The following MYOM2 variants were observed in gnomAD, a reference collection of about 807,000 sequenced individuals.
The protein encoded by MYOM2 is myomesin-2.
MYOM2 carries 254 observed loss-of-function variants against 187.6 expected under a neutral mutation model. The observed-to-expected ratio is 1.35, with a 90% CI of 1.22 to 1.50. MYOM2 has a LOEUF of 1.50. MYOM2 is among the 40% of genes most tolerant of loss of function. The probability of loss-of-function intolerance (pLI) is 0.00; values close to 1 mark genes in which losing one functional copy is unlikely to be tolerated. For missense variants in MYOM2, 2,796 were observed against 1,924.0 expected, an observed-to-expected ratio of 1.45 and a Z score of -8.48; for synonymous variants, 981 against 753.8, an observed-to-expected ratio of 1.30 and a Z score of -4.94.
chr8:2,127,342 C>A (rs1797683896), intron 31 of MYOM2, among the ~76,000 whole-genome samples: 1 of 151,110 alleles, frequency 6.6e-6, no homozygotes, highest in African/African-American at 2.4e-5. Flanking sequence ...GCAGCCGGCC[C>A]AGATGCAGGG....
intron 28 of MYOM2, among the ~76,000 whole-genome samples, chr8:2,120,986 G>A (rs1405865100): frequency 6.6e-6 from 1 of 151,900 alleles, no homozygotes; most frequent in African/African-American, 2.4e-5. Context: ...TAAAAGAAGA[G>A]AAGGTTACTT....
intron 13 of MYOM2, among the ~76,000 whole-genome samples, chr8:2,084,820 G>A (rs1488979206): frequency 6.6e-6 from 1 of 152,156 alleles, no homozygotes; most frequent in Non-Finnish European, 1.5e-5. Flanking sequence ...GAGGGCACAC[G>A]GTATAAAGAA....
rs62480007 is a variant in MYOM2, at chr8:2,137,240, G to C, written c.3801-3483G>C. Among the ~76,000 whole-genome samples, 1,203 of 152,014 alleles carry C rather than the reference G, an allele frequency of 7.9e-3. 15 individuals are homozygous for C. The highest frequency in any genetic ancestry group is 0.027 in the African/African-American group (1,104 of 41,424). On this transcript the variant is annotated intron_variant, in intron 32 of 36. Transcript: ENST00000262113. The stretch of plus-strand genomic sequence containing the variant: ...CCTAACACCCACGTGATGTGTGGGA[G>C]GATGAGCTCACACAGGGTGATGAGC...
At chr8:2,070,599 A>T (rs1819181119) in intron 8 of MYOM2, among the ~76,000 whole-genome samples, 1 of 150,848 alleles carries the variant, frequency 6.6e-6, no homozygotes. Context: ...CCTGGCAGTC[A>T]CCTGGTCCCA....
intron 25 of MYOM2, 77 bp downstream of exon 25, chr8:2,109,608 A>T: frequency 6.9e-7 from 1 of 1,446,540 alleles, no homozygotes; most frequent in Admixed American, 2.2e-5. Flanking sequence ...CTGAATATCA[A>T]CATTCTCTGT....
intron 28 of MYOM2, 103 bp from the exon 29 acceptor site, chr8:2,123,149 G>GT (rs1797514453): frequency 8.0e-6 from 6 of 747,590 alleles, no homozygotes; most frequent in Middle Eastern, 5.2e-4. Context: ...AAAAACTAAG[G>GT]TTTTTTGAGG....
At chr8:2,127,625 G>A (rs1182586057) in intron 31 of MYOM2, 1 of 159,790 alleles carries the variant, frequency 6.3e-6, no homozygotes, top group Non-Finnish European at 1.4e-5. Flanking sequence ...GTACCTCGGC[G>A]TGACGCGGTG....
At chr8:2,073,221 C>T (rs1819295541) in intron 9 of MYOM2, 118 bp from the exon 10 acceptor site, 6 of 1,122,374 alleles carry the variant, frequency 5.3e-6, no homozygotes, top group Non-Finnish European at 6.3e-6. Context: ...GCTCTGCCTT[C>T]CGTGGTGTCC....
intron 32 of MYOM2, among the ~76,000 whole-genome samples, chr8:2,139,715 C>A (rs547823398): frequency 3.9e-5 from 6 of 152,194 alleles, no homozygotes; most frequent in African/African-American, 1.4e-4. Context: ...CCCTGGAGTC[C>A]GTCCTGTTTT....
At position 2,059,261 on chromosome 8, in the gene MYOM2, G is replaced by A. The variant is rs1387692465; in HGVS notation, c.653+16G>A. On this transcript the variant is annotated intron_variant, in intron 6 of 36. Coordinates refer to ENST00000262113, the MANE Select transcript of MYOM2 (RefSeq NM_003970.4). ...AGATCAACAGGTATGGCTGTGGTGG[G>A]GGCTCTGGACGCTGGCGTCCAGTAA... The A allele has an allele frequency of 6.2e-7, 1 of 1,611,338 alleles. No individual in the cohort carries two copies. The highest frequency in any genetic ancestry group is 2.2e-5 in the East Asian group (1 of 44,880).
intron 6 of MYOM2, among the ~76,000 whole-genome samples, chr8:2,062,186 C>A (rs186143209): frequency 2.0e-5 from 3 of 152,232 alleles, no homozygotes; most frequent in Admixed American, 2.0e-4. Context: ...AGCCAGTGGC[C>A]CTGCAGATCA....
chr8:2,106,372 G>C lies in MYOM2; in HGVS notation c.2865G>C (p.Arg955Ser). Residue 955 changes from arginine to serine, a missense_variant, in exon 22 of 37, where the codon AGG (arginine) becomes AGC (serine). By Grantham distance (110) the Arg-to-Ser change is moderately radical. Coordinates refer to ENST00000262113, the MANE Select transcript of MYOM2 (RefSeq NM_003970.4). ...ACGAGGAGATTTCAGATGATGAGAGGTTTAAAATTGAAACCGTGGGGGATC... is the reference window on the plus strand; with the variant it reads ...ACGAGGAGATTTCAGATGATGAGAGCTTTAAAATTGAAACCGTGGGGGATC... ...KSYEEISDDE[R>S]FKIETVGDHS... The C allele has an allele frequency of 6.2e-7, 1 of 1,614,158 alleles. No homozygotes were observed. Among genetic ancestry groups the C allele is most frequent in the Non-Finnish European group, 8.5e-7 (1 of 1,179,998 alleles).
At chr8:2,084,592 C>G (rs186554870) in intron 13 of MYOM2, among the ~76,000 whole-genome samples, 54 of 152,332 alleles carry the variant, frequency 3.5e-4, no homozygotes, top group African/African-American at 1.2e-3. Flanking sequence ...CCCCACACCT[C>G]ATAGTATATT....
intron 1 of MYOM2, among the ~76,000 whole-genome samples, chr8:2,047,574 G>A (rs1197025942): frequency 2.6e-5 from 4 of 152,198 alleles, no homozygotes; most frequent in East Asian, 1.9e-4. Flanking sequence ...TGGCTGGCAC[G>A]TTGCAAGTGA....
chr8:2,132,714 C>T (rs1180382024), intron 32 of MYOM2, among the ~76,000 whole-genome samples: 3 of 152,194 alleles, frequency 2.0e-5, no homozygotes, highest in Middle Eastern at 3.2e-3. Context: ...GGCCACCTCA[C>T]ATGCCTCACA....
chr8:2,106,388 G>A lies in MYOM2; in HGVS notation c.2881G>A (p.Val961Met), dbSNP rs140995511. The change falls in exon 22 of 37, where the codon GTG becomes ATG. Residue 961 changes from valine to methionine, a missense_variant. Transcript: ENST00000262113. Reference protein sequence around the residue: ...SDDERFKIETVGDHSKLYLKN... With the variant: ...SDDERFKIETMGDHSKLYLKN... ...TGATGAGAGGTTTAAAATTGAAACC[G>A]TGGGGGATCAGTAAGTGAGGCCTGG... 9.3e-6 allele frequency: 15 copies of A among 1,614,006 alleles called. No individual in the cohort carries two copies. The South Asian group carries it at 1.2e-4, about 13-fold the overall frequency.
Position 2,096,231 on chromosome 8 carries a change from T to C in MYOM2, c.2126-16T>C, listed in dbSNP as rs535036528. ...GCTGAGGCCCTCGGTAACTCCCTGG[T>C]TGTGCTTCCTTGCAGCCGTCCCGTC... On this transcript the variant is annotated splice_polypyrimidine_tract_variant and intron_variant, in intron 17 of 36. Coordinates refer to ENST00000262113, the MANE Select transcript of MYOM2 (RefSeq NM_003970.4). 1.7e-5 allele frequency: 27 copies of C among 1,608,058 alleles called. No individual in the cohort carries two copies. Among genetic ancestry groups the C allele is most frequent in the South Asian group, 1.3e-4 (12 of 90,532 alleles).
In MYOM2 at chr8:2,069,462, A is replaced by T. The variant is rs747480543; in HGVS notation, c.758A>T (p.Glu253Val). 8 of 1,614,042 alleles carry T rather than the reference A, an allele frequency of 5.0e-6. No homozygotes were observed. ...AVVVRRFRGD[E>V]EPFRSVGLPI... ...TGTCTTGCAGGGTTCCGGGGAGACG[A>T]GGAACCATTCCGTTCGGTGGGACTC... is the stretch of plus-strand genomic sequence containing the variant. Residue 253 changes from glutamate (E) to valine (V), a missense_variant, in exon 8 of 37, where the codon GAG becomes GTG. Glu to Val is a moderately radical substitution (Grantham distance 121). Coordinates refer to ENST00000262113, the MANE Select transcript of MYOM2 (RefSeq NM_003970.4).
At position 2,115,931 on chromosome 8, in the gene MYOM2, A is replaced by G. The variant is rs1280591984; in HGVS notation, c.3181-29A>G. On this transcript the variant is annotated intron_variant, in intron 25 of 36. Transcript: ENST00000262113. ...AAACTAGGAGAGATTTCCTTGTATA[A>G]TTCTCCATTTCCCTTGTTTTGCTTG... 3 of 1,603,390 alleles carry G rather than the reference A, an allele frequency of 1.9e-6. No homozygotes were observed. The Admixed American group carries it at 5.2e-5, about 28-fold the overall frequency.
Sources: gnomAD v4.1 joint callset for allele counts (sites outside exome capture counted in the v4.1 genomes callset) on GRCh38, gnomAD v4.1.1 for gene constraint, MANE v1.5 for transcripts, NCBI Gene and HGNC (gene_info 2026-07-23, HGNC 2026-07-21) for gene names.